BEST3: variants seen among roughly 807,000 people sequenced by gnomAD.
The protein encoded by BEST3 is bestrophin 3.
Under a neutral mutation model 47.1 loss-of-function variants are expected in BEST3, and 50 were observed. The ratio of observed to expected loss-of-function variants is 1.06; its 90% CI spans 0.85 to 1.34. BEST3 has a LOEUF of 1.34. Ranked by LOEUF, BEST3 falls within the 40% of genes most tolerant of loss-of-function variation. The pLI is 0.00. For synonymous variants in BEST3, 282 were observed against 298.8 expected, an observed-to-expected ratio of 0.94 and a Z score of 0.58; for missense variants, 765 against 817.0, an observed-to-expected ratio of 0.94 and a Z score of 0.78.
At chr12:69,678,699 C>T in intron 5 of BEST3, 40 bp downstream of exon 5, 1 of 1,597,368 alleles carries the variant, frequency 6.3e-7, no homozygotes, top group South Asian at 1.1e-5. Context: ...TTCTTGGTCT[C>T]TAATTAGCGT....
intron 4 of BEST3, among the ~76,000 whole-genome samples, chr12:69,687,006 C>T (rs1219303752): frequency 6.6e-6 from 1 of 152,080 alleles, no homozygotes; most frequent in African/African-American, 2.4e-5. Flanking sequence ...AATCCTTTAC[C>T]TAGAGGCACA....
intron 4 of BEST3, 31 bp downstream of exon 4, chr12:69,693,643 A>T: frequency 6.7e-7 from 1 of 1,483,296 alleles, no homozygotes. Flanking sequence ...AGCTGAGAAG[A>T]GCCCATGGAA....
Position 69,693,776 on chromosome 12 carries a change from T to C in BEST3, c.379A>G (p.Thr127Ala). Residue 127 changes from threonine (T) to alanine (A), a missense_variant, in exon 4 of 10, where the codon ACG becomes GCG. Thr to Ala is a moderately conservative substitution (Grantham distance 58). Transcript: ENST00000330891. Reference sequence around the variant, plus strand: ...GTGAGATTGACGTAGCGCATCAGCGTCCTTCTAAGCAGGCGCCCGTGCTCG... The same window carrying C: ...GTGAGATTGACGTAGCGCATCAGCGCCCTTCTAAGCAGGCGCCCGTGCTCG... ...SDEHGRLLRR[T>A]LMRYVNLTSL... 2 of 1,614,148 alleles carry C rather than the reference T, an allele frequency of 1.2e-6. No individual in the cohort carries two copies. Among genetic ancestry groups the C allele is most frequent in the Non-Finnish European group, 1.7e-6 (2 of 1,180,016 alleles).
At chr12:69,689,714 T>C (rs1217390954) in intron 4 of BEST3, among the ~76,000 whole-genome samples, 1 of 152,130 alleles carries the variant, frequency 6.6e-6, no homozygotes, top group African/African-American at 2.4e-5. Context: ...TCTCCCTTCA[T>C]CCGCTTCAGA....
At chr12:69,674,078 TGAGA>T (rs1235280623) in intron 7 of BEST3, among the ~76,000 whole-genome samples, 4 of 151,932 alleles carry the variant, frequency 2.6e-5, no homozygotes, top group African/African-American at 7.2e-5. Context: ...TGTGTGTGCG[TGAGA>T]GAGAGAGACA....
intron 4 of BEST3, among the ~76,000 whole-genome samples, chr12:69,690,629 C>T (rs1885884502): frequency 6.6e-6 from 1 of 152,162 alleles, no homozygotes; most frequent in Non-Finnish European, 1.5e-5. Context: ...TCAGAATGCA[C>T]TCTCTTCATT....
intron 9 of BEST3, among the ~76,000 whole-genome samples, chr12:69,644,972 T>G (rs555657603): frequency 6.6e-6 from 1 of 152,364 alleles, no homozygotes; most frequent in South Asian, 2.1e-4. Flanking sequence ...ATCCATCAGC[T>G]ATTTGGTTTT....
At chr12:69,688,668 T>C (rs1885778061) in intron 4 of BEST3, among the ~76,000 whole-genome samples, 1 of 152,174 alleles carries the variant, frequency 6.6e-6, no homozygotes, top group Non-Finnish European at 1.5e-5. Flanking sequence ...TGGTCCTCAC[T>C]CTTGGCCCTC....
At chr12:69,694,553 C>T (rs957545830) in intron 2 of BEST3, 89 bp from the exon 3 acceptor site, 2 of 556,484 alleles carry the variant, frequency 3.6e-6, no homozygotes, top group Non-Finnish European at 2.9e-6. Flanking sequence ...CAATTAAGCA[C>T]AAATAATCTT....
intron 9 of BEST3, among the ~76,000 whole-genome samples, chr12:69,663,938 C>G (rs2135938060): frequency 6.6e-6 from 1 of 152,328 alleles, no homozygotes; most frequent in Admixed American, 6.5e-5. Context: ...AGGGATCCCA[C>G]ATGAGATAAT....
At chr12:69,694,976 T>A (rs1002051978) in intron 2 of BEST3, among the ~76,000 whole-genome samples, 1 of 152,194 alleles carries the variant, frequency 6.6e-6, no homozygotes, top group Non-Finnish European at 1.5e-5. Flanking sequence ...ACTGTTCATT[T>A]TAAAGCCCAG....
At chr12:69,675,799 TA>T (rs1483494532) in intron 7 of BEST3, among the ~76,000 whole-genome samples, 1 of 151,368 alleles carries the variant, frequency 6.6e-6, no homozygotes, top group Non-Finnish European at 1.5e-5. Context: ...ATCAACATAT[TA>T]TTTTTTTTTG....
At chr12:69,649,821 T>C (rs1883153215), downstream of BEST3, among the ~76,000 whole-genome samples, 1 of 152,248 alleles carries the variant, frequency 6.6e-6, no homozygotes, top group African/African-American at 2.4e-5. Flanking sequence ...GCCACTGGCC[T>C]AGACAAAAAA....
intron 9 of BEST3, among the ~76,000 whole-genome samples, chr12:69,667,679 T>G (rs1884311953): frequency 6.6e-6 from 1 of 152,204 alleles, no homozygotes; most frequent in Non-Finnish European, 1.5e-5. Context: ...GAAGTGTGTC[T>G]TCATTGCGTG....
downstream of BEST3, among the ~76,000 whole-genome samples, chr12:69,653,030 G>A (rs1202171825): frequency 2.6e-5 from 4 of 152,210 alleles, no homozygotes; most frequent in African/African-American, 9.6e-5. Context: ...TTTGAGAAAA[G>A]TCAGTTAAAG....
downstream of BEST3, among the ~76,000 whole-genome samples, chr12:69,651,815 A>G (rs555586375): frequency 6.6e-4 from 100 of 151,686 alleles, no homozygotes; most frequent in Admixed American, 1.6e-3. Context: ...AAAAAAATTG[A>G]ATTGATTTTT....
chr12:69,659,277 T>G (rs1248206484), intron 9 of BEST3, among the ~76,000 whole-genome samples: 1 of 152,196 alleles, frequency 6.6e-6, no homozygotes, highest in Non-Finnish European at 1.5e-5. Context: ...CATCTCCTCC[T>G]TTCTCTGGTA....
downstream of BEST3, among the ~76,000 whole-genome samples, chr12:69,649,287 T>C (rs1355996429): frequency 6.6e-6 from 1 of 152,242 alleles, no homozygotes; most frequent in East Asian, 1.9e-4. Context: ...CATGAGCCAC[T>C]GTGCCGGATT....
At position 69,656,087 on chromosome 12, in the gene BEST3, T is replaced by C. The variant is rs191553240; in HGVS notation, c.1101-274A>G. Among the ~76,000 whole-genome samples, 6 of 152,312 alleles carry C rather than the reference T, an allele frequency of 3.9e-5. No homozygotes were observed. The East Asian group carries it at 1.2e-3, about 29-fold the overall frequency. On this transcript the variant is annotated intron_variant, in intron 9 of 9. Transcript: ENST00000330891. Reference sequence around the variant, plus strand: ...TGTATTTAAAATTATAACTGTGGAATGTCTGAAACACAAGCACGTACAAGC... The same window carrying C: ...TGTATTTAAAATTATAACTGTGGAACGTCTGAAACACAAGCACGTACAAGC...
Sources: gnomAD v4.1 joint callset for allele counts (sites outside exome capture counted in the v4.1 genomes callset) on GRCh38, gnomAD v4.1.1 for gene constraint, MANE v1.5 for transcripts, NCBI Gene and HGNC (gene_info 2026-07-23, HGNC 2026-07-21) for gene names.